SATB2: variants seen among roughly 807,000 people sequenced by gnomAD.
The protein encoded by SATB2 is DNA-binding protein SATB2.
SATB2 carries 1 observed loss-of-function variant against 73.4 expected under a neutral mutation model. The observed-to-expected ratio is 0.01, with a 90% confidence interval of 0.00 to 0.06. SATB2 has a LOEUF of 0.06. Ranked by LOEUF, SATB2 falls within the 10% of genes least tolerant of loss-of-function variation. The pLI is 1.00. For missense variants in SATB2, 459 were observed against 945.8 expected, an observed-to-expected ratio of 0.49 and a Z score of 6.75; for synonymous variants, 397 against 367.0, an observed-to-expected ratio of 1.08 and a Z score of -0.93.
intron 3 of SATB2, among the ~76,000 whole-genome samples, chr2:199,392,433 T>G (rs1690174144): frequency 6.6e-6 from 1 of 152,066 alleles, no homozygotes; most frequent in Non-Finnish European, 1.5e-5. Flanking sequence ...AAAAATAGTT[T>G]CTTGTGTATT....
chr2:199,380,551 GAC>G, intron 4 of SATB2, 64 bp from the exon 5 acceptor site: 2 of 1,584,908 alleles, frequency 1.3e-6, no homozygotes, highest in Non-Finnish European at 1.7e-6. Context: ...CTGAAGAGGA[GAC>G]ACTGCAGCAG....
intron 3 of SATB2, among the ~76,000 whole-genome samples, chr2:199,421,506 C>T (rs1328979842): frequency 6.6e-6 from 1 of 152,144 alleles, no homozygotes; most frequent in Non-Finnish European, 1.5e-5. Flanking sequence ...TCCTACTGCA[C>T]ACAGCAAAAA....
intron 10 of SATB2, among the ~76,000 whole-genome samples, chr2:199,282,769 T>C (rs1692564689): frequency 6.6e-6 from 1 of 152,170 alleles, no homozygotes. Context: ...CAGAAACCTT[T>C]TTCACCCCAC....
rs1488705818 is a variant in SATB2, at chr2:199,464,337, T to G, written c.-141+499A>C. ...CACATCCGGACTTGGGAACCCCGTG[T>G]CGGGCTTAGAGGACTTCACTGGGCG... On this transcript the variant is annotated intron_variant, in intron 1 of 11. Transcript: ENST00000260926. This position sits in a 1 kb window ranked among gnomAD's most constrained non-coding sequence, Gnocchi z 6.6. Among the ~76,000 whole-genome samples the G allele has an allele frequency of 6.6e-6, 1 of 152,106 alleles. No individual in the cohort carries two copies. The highest frequency in any genetic ancestry group is 2.4e-5 in the African/African-American group (1 of 41,426).
In SATB2 at chr2:199,455,473, A is replaced by G. The variant is rs1692245006; in HGVS notation, c.169+396T>C. On this transcript the variant is annotated intron_variant, in intron 2 of 10. Coordinates refer to ENST00000417098, the MANE Select transcript of SATB2 (RefSeq NM_001172509.2). This position sits in a 1 kb window ranked among gnomAD's most constrained non-coding sequence, Gnocchi z 4.1. Reference sequence around the variant, plus strand: ...CTCTCCTTGTTCCTGTACTCGCCTGAGCATTAATGACTATTTTATTCCCTA... The same window carrying G: ...CTCTCCTTGTTCCTGTACTCGCCTGGGCATTAATGACTATTTTATTCCCTA... Among the ~76,000 whole-genome samples, 1 of 152,242 alleles carries G rather than the reference A, an allele frequency of 6.6e-6. No homozygotes were observed. Among genetic ancestry groups the G allele is most frequent in the Non-Finnish European group, 1.5e-5 (1 of 68,050 alleles).
At chr2:199,465,757 T>C (rs1692582017), upstream of SATB2, among the ~76,000 whole-genome samples, 1 of 152,226 alleles carries the variant, frequency 6.6e-6, no homozygotes, top group Admixed American at 6.5e-5. Flanking sequence ...TTAAAAACAC[T>C]TTTAAAGTTA....
chr2:199,392,270 T>C (rs1690167143), intron 3 of SATB2, among the ~76,000 whole-genome samples: 1 of 151,984 alleles, frequency 6.6e-6, no homozygotes, highest in Non-Finnish European at 1.5e-5. Flanking sequence ...TTCCCTTCAA[T>C]TCACTGGCAA....
chr2:199,319,219 A>G (rs1687818293), intron 9 of SATB2, among the ~76,000 whole-genome samples: 1 of 152,134 alleles, frequency 6.6e-6, no homozygotes, highest in Non-Finnish European at 1.5e-5. Flanking sequence ...CCCATTCTAA[A>G]GTGTGTAGTA....
chr2:199,282,031 A>T (rs573736538), intron 10 of SATB2, among the ~76,000 whole-genome samples: 4 of 151,856 alleles, frequency 2.6e-5, no homozygotes, highest in Non-Finnish European at 4.4e-5. Context: ...ACAGGTGCCC[A>T]CCGCCACACC....
At chr2:199,349,221 A>G (rs1212503705) in intron 6 of SATB2, 48 bp from the exon 7 acceptor site, 2 of 1,361,970 alleles carry the variant, frequency 1.5e-6, no homozygotes, top group African/African-American at 2.9e-5. Context: ...CATTGGTACA[A>G]TTTATTGCTA....
At chr2:199,359,522 T>A (rs1464088917) in intron 6 of SATB2, among the ~76,000 whole-genome samples, 1 of 152,060 alleles carries the variant, frequency 6.6e-6, no homozygotes, top group Admixed American at 6.6e-5. Context: ...AATTGACAGA[T>A]CAGGTAGCAA....
intron 6 of SATB2, among the ~76,000 whole-genome samples, chr2:199,354,635 C>T (rs1398976858): frequency 6.6e-6 from 1 of 152,152 alleles, no homozygotes; most frequent in African/African-American, 2.4e-5. Flanking sequence ...GGGAAAGGTA[C>T]CAGTCCAGGG....
chr2:199,354,299 T>C (rs1304702745), intron 6 of SATB2, among the ~76,000 whole-genome samples: 2 of 152,168 alleles, frequency 1.3e-5, no homozygotes, highest in Non-Finnish European at 2.9e-5. Context: ...GAGGTTGCAG[T>C]GAGTCGAGAT....
chr2:199,284,642 T>G (rs903448680), intron 10 of SATB2, among the ~76,000 whole-genome samples: 7 of 152,130 alleles, frequency 4.6e-5, no homozygotes, highest in African/African-American at 1.7e-4. Flanking sequence ...ATATAAAACA[T>G]TGGCATTCTA....
chr2:199,415,300 C>G (rs1380922531), intron 3 of SATB2, among the ~76,000 whole-genome samples: 1 of 152,100 alleles, frequency 6.6e-6, no homozygotes, highest in Non-Finnish European at 1.5e-5. Flanking sequence ...AAGAAATAAC[C>G]ATTCAAAATG....
At chr2:199,312,648 T>C (rs938314466) in intron 9 of SATB2, among the ~76,000 whole-genome samples, 3 of 152,200 alleles carry the variant, frequency 2.0e-5, no homozygotes, top group African/African-American at 7.2e-5. Flanking sequence ...CATTCCATGA[T>C]CTGTTACCTT....
rs13014796 is a variant in SATB2 at position 199,456,327 on chromosome 2, G to A, written c.-59-231C>T. Among the ~76,000 whole-genome samples, 21,056 of 152,264 alleles carry A rather than the reference G, an allele frequency of 0.14. 1,687 individuals are homozygous for A. The highest frequency in any genetic ancestry group is 0.22 in the Middle Eastern group (64 of 294). ...GACTCTGCCCAGTCGCAGCTCCCCA[G>A]AAGTCAGCCCTCGGGGTCGCGGCCG... is the stretch of plus-strand genomic sequence containing the variant. On this transcript the variant is annotated intron_variant, in intron 1 of 10. Transcript: ENST00000417098.
intron 2 of SATB2, among the ~76,000 whole-genome samples, chr2:199,444,555 TTGG>T (rs1167303102): frequency 6.6e-6 from 1 of 152,198 alleles, no homozygotes; most frequent in Non-Finnish European, 1.5e-5. Context: ...AATAAAGGTA[TTGG>T]TGTTGTCCCC....
intron 10 of SATB2, among the ~76,000 whole-genome samples, chr2:199,303,769 C>T (rs930396880): frequency 1.3e-5 from 2 of 152,114 alleles, no homozygotes; most frequent in East Asian, 1.9e-4. Flanking sequence ...TGTTGAAAAT[C>T]GCCTGAGAAG....
Sources: gnomAD v4.1 joint callset for allele counts (sites outside exome capture counted in the v4.1 genomes callset) on GRCh38, gnomAD v4.1.1 for gene constraint, Gnocchi (gnomAD v3.1) non-coding constraint, MANE v1.5 for transcripts, NCBI Gene and HGNC (gene_info 2026-07-23, HGNC 2026-07-21) for gene names.